The following PARD3 variants were observed in gnomAD, a reference collection of about 807,000 sequenced individuals.
PARD3 encodes the protein par-3 family cell polarity regulator, also known as partitioning defective 3 homolog.
In PARD3, 75 loss-of-function variants were observed where a neutral mutation model predicts 155.4. The ratio of observed to expected loss-of-function variants is 0.48; its 90% CI spans 0.40 to 0.58. The LOEUF (loss-of-function observed/expected upper bound fraction) is 0.58, where lower values mean the gene tolerates loss of function less well. PARD3 is among the 20% of genes least tolerant of loss of function. PARD3 has a pLI of 0.00. For missense variants in PARD3, 1,642 were observed against 1,721.7 expected (o/e 0.95, Z 0.82); for synonymous variants, 576 against 610.5 (o/e 0.94, Z 0.83).
At chr10:34,214,265 G>T (rs987957932) in intron 22 of PARD3, among the ~76,000 whole-genome samples, 1 of 152,066 alleles carries the variant, frequency 6.6e-6, no homozygotes, top group African/African-American at 2.4e-5. Context: ...GCTCTTCAGG[G>T]TTCACAAATT....
At chr10:34,429,775 C>G (rs994089845) in intron 5 of PARD3, among the ~76,000 whole-genome samples, 17 of 152,130 alleles carry the variant, frequency 1.1e-4, no homozygotes, top group African/African-American at 4.1e-4. Context: ...TTAGTAGAGA[C>G]ACGGTTTCAC....
chr10:34,522,573 T>C (rs185802659), intron 2 of PARD3, among the ~76,000 whole-genome samples: 1 of 152,042 alleles, frequency 6.6e-6, no homozygotes, highest in African/African-American at 2.4e-5. Flanking sequence ...TTTGTAAATA[T>C]GAGAATAGTT....
intron 2 of PARD3, among the ~76,000 whole-genome samples, chr10:34,628,455 T>G (rs546283825): frequency 6.6e-6 from 1 of 152,352 alleles, no homozygotes; most frequent in African/African-American, 2.4e-5. Context: ...AGTATGGATT[T>G]TAGGCTTTGC....
At chr10:34,500,779 CAGTA>C (rs2133422165) in intron 3 of PARD3, among the ~76,000 whole-genome samples, 1 of 152,126 alleles carries the variant, frequency 6.6e-6, no homozygotes, top group East Asian at 1.9e-4. Context: ...AAAATGAATA[CAGTA>C]ACGTAACTTG....
intron 22 of PARD3, among the ~76,000 whole-genome samples, chr10:34,263,077 G>T: frequency 6.6e-6 from 1 of 152,268 alleles, no homozygotes; most frequent in Non-Finnish European, 1.5e-5. Context: ...TAAGTATAAA[G>T]AATCAAACCT....
chr10:34,658,592 A>AG (rs1300885281), intron 2 of PARD3, among the ~76,000 whole-genome samples: 8 of 152,094 alleles, frequency 5.3e-5, no homozygotes, highest in African/African-American at 1.9e-4. Context: ...GATTCTGTTA[A>AG]GGGGGCCTAA....
At chr10:34,400,838 A>G (rs1443072641) in intron 6 of PARD3, among the ~76,000 whole-genome samples, 1 of 144,818 alleles carries the variant, frequency 6.9e-6, no homozygotes, top group East Asian at 2.0e-4. Flanking sequence ...TTTTTTTTTT[A>G]CCAAATTTCA....
At chr10:34,421,167 A>G (rs1846150320) in intron 5 of PARD3, among the ~76,000 whole-genome samples, 1 of 152,144 alleles carries the variant, frequency 6.6e-6, no homozygotes, top group South Asian at 2.1e-4. Flanking sequence ...GCAAGATCAC[A>G]TCTCAAAACA....
At chr10:34,510,185 T>A (rs2133545573) in intron 3 of PARD3, among the ~76,000 whole-genome samples, 1 of 152,276 alleles carries the variant, frequency 6.6e-6, no homozygotes, top group South Asian at 2.1e-4. Flanking sequence ...AATATGAAAT[T>A]CTAAGCAATC....
chr10:34,770,346 T>G (rs192689043), intron 1 of PARD3, among the ~76,000 whole-genome samples: 1 of 152,204 alleles, frequency 6.6e-6, no homozygotes, highest in Non-Finnish European at 1.5e-5. Context: ...TGCCTGGTAT[T>G]CTAAGCATTC....
intron 1 of PARD3, among the ~76,000 whole-genome samples, chr10:34,800,792 AT>A (rs1309505675): frequency 6.6e-6 from 1 of 151,500 alleles, no homozygotes. Flanking sequence ...TAATAGGCAG[AT>A]AAATAATGCC....
intron 22 of PARD3, among the ~76,000 whole-genome samples, chr10:34,256,469 G>A (rs1268132674): frequency 6.6e-6 from 1 of 152,244 alleles, no homozygotes; most frequent in Non-Finnish European, 1.5e-5. Context: ...AGGTGATAAG[G>A]AAGTGCAGTC....
At chr10:34,770,040 A>G (rs1838668305) in intron 1 of PARD3, among the ~76,000 whole-genome samples, 1 of 152,128 alleles carries the variant, frequency 6.6e-6, no homozygotes, top group African/African-American at 2.4e-5. Context: ...CTGGCTCCCA[A>G]TGACTTCCTC....
rs745637071 is a variant in PARD3, at chr10:34,447,480, C to CAAAAAAAAAAAAAAAA, written c.714+2821_714+2836dup. Among the ~76,000 whole-genome samples, 25 of 37,208 alleles carry CAAAAAAAAAAAAAAAA rather than the reference C, an allele frequency of 6.7e-4. 3 individuals are homozygous for CAAAAAAAAAAAAAAAA. The highest frequency in any genetic ancestry group is 3.6e-3 in the East Asian group (4 of 1,104). 24.4% of individuals were successfully genotyped at this position (37,208 alleles called of 152,430 possible). On this transcript the variant is annotated intron_variant, in intron 5 of 24. Transcript: ENST00000374788. Reference sequence around the variant, plus strand: ...TGGGCAACAGAGCAAGACTGCGTCTCAAAAAAAAAAAAAAAAAAAAAAAAA... The same window carrying CAAAAAAAAAAAAAAAA: ...TGGGCAACAGAGCAAGACTGCGTCTCAAAAAAAAAAAAAAAAAAAAAAAAAAAAAAAAAAAAAAAAA...
At chr10:34,351,857 G>A (rs1010075961) in intron 14 of PARD3, among the ~76,000 whole-genome samples, 1 of 140,386 alleles carries the variant, frequency 7.1e-6, no homozygotes, top group African/African-American at 3.3e-5. Flanking sequence ...TGGCCTTGCA[G>A]CCATTAAAGC....
intron 22 of PARD3, among the ~76,000 whole-genome samples, chr10:34,194,234 G>A (rs1429035897): frequency 6.6e-6 from 1 of 152,206 alleles, no homozygotes; most frequent in Non-Finnish European, 1.5e-5. Context: ...TCTTCTAGTT[G>A]TAAAATAATG....
At chr10:34,309,547 CCAAAAAAAAAAAAAAA>C (rs1957590956) in intron 20 of PARD3, among the ~76,000 whole-genome samples, 1 of 46,628 alleles carries the variant, frequency 2.1e-5, no homozygotes, top group Admixed American at 3.0e-4. Context: ...GACCCTGTCT[CCAAAAAAAAAAAAAAA>C]AAAAAAAAAA....
intron 5 of PARD3, among the ~76,000 whole-genome samples, chr10:34,442,467 G>A (rs1300284736): frequency 6.6e-6 from 1 of 152,194 alleles, no homozygotes; most frequent in African/African-American, 2.4e-5. Flanking sequence ...GCACTGAGGG[G>A]AGCCCCGGTG....
intron 1 of PARD3, among the ~76,000 whole-genome samples, chr10:34,743,205 A>G (rs1445267548): frequency 2.0e-5 from 3 of 152,218 alleles, no homozygotes; most frequent in African/African-American, 7.2e-5. Context: ...AAGGCATGGC[A>G]GAGCTCCATG....
Sources: allele counts gnomAD v4.1 joint callset (sites outside exome capture counted in the v4.1 genomes callset), GRCh38; gene constraint gnomAD v4.1.1; transcripts MANE v1.5; gene names NCBI Gene and HGNC (gene_info 2026-07-23, HGNC 2026-07-21).